The following TTC28 variants were observed in gnomAD, a reference collection of about 807,000 sequenced individuals.
TTC28 encodes tetratricopeptide repeat domain 28, also known as tetratricopeptide repeat protein 28.
In TTC28, 61 loss-of-function variants were observed where a neutral mutation model predicts 198.0. That is an observed-to-expected ratio of 0.31 (90% CI 0.25 to 0.38). The LOEUF (loss-of-function observed/expected upper bound fraction) is 0.38, where lower values mean the gene tolerates loss of function less well. Ranked by LOEUF, TTC28 falls within the 10% of genes least tolerant of loss-of-function variation. The probability of loss-of-function intolerance (pLI) is 1.00; values close to 1 mark genes in which losing one functional copy is unlikely to be tolerated. For missense variants in TTC28, 2,678 were observed against 3,164.0 expected (o/e 0.85, Z 3.69); for synonymous variants, 1,171 against 1,297.8 (o/e 0.90, Z 2.10).
intron 5 of TTC28, among the ~76,000 whole-genome samples, chr22:28,177,272 A>G (rs935973276): frequency 2.6e-5 from 4 of 152,248 alleles, no homozygotes; most frequent in Non-Finnish European, 5.9e-5. Context: ...ATCATATGTC[A>G]TTAGGGAATG....
intron 5 of TTC28, among the ~76,000 whole-genome samples, chr22:28,188,579 T>C (rs937854934): frequency 2.6e-5 from 4 of 152,196 alleles, no homozygotes; most frequent in African/African-American, 9.6e-5. Context: ...GGGGGCCTAC[T>C]GTCTGGAGAT....
At chr22:28,238,039 C>A (rs1159584385) in intron 5 of TTC28, among the ~76,000 whole-genome samples, 3 of 152,120 alleles carry the variant, frequency 2.0e-5, no homozygotes, top group South Asian at 4.2e-4. Flanking sequence ...TCTCTTTTAT[C>A]ATTTATTTTC....
intron 1 of TTC28, among the ~76,000 whole-genome samples, chr22:28,662,418 T>C (rs1018978771): frequency 6.6e-6 from 1 of 152,234 alleles, no homozygotes; most frequent in African/African-American, 2.4e-5. Flanking sequence ...CAATTCAGTT[T>C]CCTAGCTGGA....
intron 5 of TTC28, among the ~76,000 whole-genome samples, chr22:28,264,125 A>T (rs761816667): frequency 6.6e-6 from 1 of 152,152 alleles, no homozygotes; most frequent in Non-Finnish European, 1.5e-5. Context: ...CATAATCCCC[A>T]TATGTCATGG....
Position 28,479,075 on chromosome 22 carries a change from A to C in TTC28, c.381+150477T>G, listed in dbSNP as rs148994505. Among the ~76,000 whole-genome samples, 785 of 152,280 alleles carry C rather than the reference A, an allele frequency of 5.2e-3. 5 individuals carry two copies. Among genetic ancestry groups the C allele is most frequent in the Middle Eastern group, 0.01 (3 of 294 alleles). On this transcript the variant is annotated intron_variant, in intron 2 of 22. Coordinates refer to ENST00000397906, the MANE Select transcript of TTC28 (RefSeq NM_001145418.2). Reference sequence around the variant, plus strand: ...TCTGGCTCATTGTACGTGTTCAAAGAACAAAAAAAAAATCAAGCCACAGCT... The same window carrying C: ...TCTGGCTCATTGTACGTGTTCAAAGCACAAAAAAAAAATCAAGCCACAGCT...
At chr22:28,476,464 C>G (rs768330344) in intron 2 of TTC28, among the ~76,000 whole-genome samples, 7 of 152,122 alleles carry the variant, frequency 4.6e-5, no homozygotes, top group African/African-American at 9.7e-5. Flanking sequence ...TAAGAATTTT[C>G]CTATCTAGGA....
intron 2 of TTC28, among the ~76,000 whole-genome samples, chr22:28,352,917 A>G (rs1280278795): frequency 6.6e-6 from 1 of 152,216 alleles, no homozygotes; most frequent in Admixed American, 6.5e-5. Flanking sequence ...GAAAAAAAGG[A>G]CAGCATGAAA....
chr22:28,337,135 T>G (rs1461580848), intron 2 of TTC28, among the ~76,000 whole-genome samples: 2 of 152,212 alleles, frequency 1.3e-5, no homozygotes, highest in East Asian at 3.8e-4. Flanking sequence ...TCAGTTTCCA[T>G]GTAGTTGCGC....
intron 19 of TTC28, among the ~76,000 whole-genome samples, chr22:27,991,727 C>G (rs1448590369): frequency 3.3e-5 from 5 of 152,228 alleles, no homozygotes; most frequent in South Asian, 2.1e-4. Context: ...GCTGTCCCCC[C>G]AGGGGCTTGG....
intron 2 of TTC28, among the ~76,000 whole-genome samples, chr22:28,502,625 G>GT (rs977957573): frequency 6.6e-6 from 1 of 151,936 alleles, no homozygotes; most frequent in African/African-American, 2.4e-5. Flanking sequence ...TCCAGCCTGG[G>GT]TGGCAGAGCA....
intron 1 of TTC28, among the ~76,000 whole-genome samples, chr22:28,661,890 A>T (rs2051754954): frequency 6.6e-6 from 1 of 152,014 alleles, no homozygotes; most frequent in Non-Finnish European, 1.5e-5. Flanking sequence ...TACAGGCATG[A>T]GCCACTGCAC....
At chr22:28,079,790 A>G (rs896081246) in intron 12 of TTC28, among the ~76,000 whole-genome samples, 1 of 152,102 alleles carries the variant, frequency 6.6e-6, no homozygotes, top group African/African-American at 2.4e-5. Flanking sequence ...GTACAGTGGC[A>G]CGATCACAGC....
chr22:28,618,136 G>A (rs1171368742), intron 2 of TTC28, among the ~76,000 whole-genome samples: 3 of 152,130 alleles, frequency 2.0e-5, no homozygotes, highest in Admixed American at 1.3e-4. Flanking sequence ...TTAGCCAGGC[G>A]TGGTGGTGGG....
chr22:28,565,577 T>C (rs765023175), intron 2 of TTC28, among the ~76,000 whole-genome samples: 1 of 152,226 alleles, frequency 6.6e-6, no homozygotes, highest in Admixed American at 6.5e-5. Flanking sequence ...CTTTACTAAC[T>C]GCTTACTAAT....
At chr22:28,352,947 A>G (rs1333967292) in intron 2 of TTC28, among the ~76,000 whole-genome samples, 2 of 152,250 alleles carry the variant, frequency 1.3e-5, no homozygotes, top group African/African-American at 2.4e-5. Context: ...GCAGATTTGA[A>G]AAAAGAATCA....
At chr22:28,139,046 T>C (rs1943265791) in intron 6 of TTC28, among the ~76,000 whole-genome samples, 1 of 150,918 alleles carries the variant, frequency 6.6e-6, no homozygotes, top group Non-Finnish European at 1.5e-5. Context: ...ATTTTTATCC[T>C]GATTTTGGGG....
chr22:28,600,716 T>C (rs2050626547), intron 2 of TTC28, among the ~76,000 whole-genome samples: 1 of 152,174 alleles, frequency 6.6e-6, no homozygotes, highest in Non-Finnish European at 1.5e-5. Flanking sequence ...AGAATAATCT[T>C]AACTATAAAT....
chr22:28,218,578 A>C (rs1208123687), intron 5 of TTC28, among the ~76,000 whole-genome samples: 1 of 152,138 alleles, frequency 6.6e-6, no homozygotes, highest in Non-Finnish European at 1.5e-5. Flanking sequence ...ATAAAAAAAA[A>C]AGTTCTATAA....
At chr22:28,094,371 C>A in intron 11 of TTC28, 126 bp from the exon 12 acceptor site, 1 of 1,105,462 alleles carries the variant, frequency 9.0e-7, no homozygotes, top group Non-Finnish European at 1.2e-6. Context: ...CCTGCAAACC[C>A]TGTCAAAAAA....
Sources: allele counts gnomAD v4.1 joint callset (sites outside exome capture counted in the v4.1 genomes callset), GRCh38; gene constraint gnomAD v4.1.1; transcripts MANE v1.5; gene names NCBI Gene and HGNC (gene_info 2026-07-23, HGNC 2026-07-21).